Variants in HK1 observed in about 807,000 individuals in gnomAD.
HK1 encodes the protein hexokinase 1.
Under a neutral mutation model 91.6 loss-of-function variants are expected in HK1, and 28 were observed. The observed-to-expected ratio is 0.31, with a 90% CI of 0.23 to 0.42. The LOEUF (loss-of-function observed/expected upper bound fraction) is 0.42, where lower values mean the gene tolerates loss of function less well. Ranked by LOEUF, HK1 falls within the 10% of genes least tolerant of loss-of-function variation. The pLI, the probability that HK1 is intolerant of heterozygous loss-of-function variation, is 1.00. For missense variants in HK1, 770 were observed against 1,219.8 expected, an observed-to-expected ratio of 0.63 and a Z score of 5.49; for synonymous variants, 430 against 468.1, an observed-to-expected ratio of 0.92 and a Z score of 1.05.
chr10:69,363,824 TG>T (rs1299664249), intron 3 of HK1, among the ~76,000 whole-genome samples: 7 of 152,210 alleles, frequency 4.6e-5, no homozygotes, highest in African/African-American at 1.7e-4. Context: ...TCCTAAGATA[TG>T]TATGTACCTG....
At chr10:69,397,473 C>A (rs1840194918) in intron 16 of HK1, among the ~76,000 whole-genome samples, 1 of 152,022 alleles carries the variant, frequency 6.6e-6, no homozygotes, top group Non-Finnish European at 1.5e-5. Context: ...ACTTAAAAGG[C>A]AACGGTAAAC....
At chr10:69,311,636 ATTCT>A (rs1846383405), upstream of HK1, among the ~76,000 whole-genome samples, 1 of 151,888 alleles carries the variant, frequency 6.6e-6, no homozygotes, top group Admixed American at 6.6e-5. Context: ...CCAGGATACA[ATTCT>A]TTCTTTTTTT....
intron 12 of HK1, among the ~76,000 whole-genome samples, chr10:69,385,628 A>G (rs1839596481): frequency 6.6e-6 from 1 of 152,166 alleles, no homozygotes; most frequent in African/African-American, 2.4e-5. Flanking sequence ...ACCAGGCAGG[A>G]GTTCTGGAGG....
intron 1 of HK1, 30 bp downstream of exon 1, chr10:69,319,040 CT>C: frequency 6.3e-7 from 1 of 1,581,880 alleles, no homozygotes; most frequent in Non-Finnish European, 8.6e-7. Context: ...GCCGCTGGTC[CT>C]GGCCGCAGCC....
chr10:69,305,771 T>C (rs1351117993), intron 5 of HK1, among the ~76,000 whole-genome samples: 1 of 151,290 alleles, frequency 6.6e-6, no homozygotes, highest in Non-Finnish European at 1.5e-5. Flanking sequence ...GAGAATCGTT[T>C]GAACCCGGGA....
chr10:69,400,076 A>T (rs1021269621), intron 17 of HK1, among the ~76,000 whole-genome samples: 4 of 152,246 alleles, frequency 2.6e-5, no homozygotes, highest in Admixed American at 2.0e-4. Context: ...TGGCACCGTC[A>T]CTTAGAATCT....
At chr10:69,338,530 A>G (rs1471710134) in intron 1 of HK1, 4 of 1,289,634 alleles carry the variant, frequency 3.1e-6, no homozygotes, top group South Asian at 2.5e-5. Flanking sequence ...CAGTGGAAGC[A>G]GCTGGAAGTG....
At chr10:69,285,135 T>C (rs1479691638) in intron 2 of HK1, among the ~76,000 whole-genome samples, 1 of 148,772 alleles carries the variant, frequency 6.7e-6, no homozygotes, top group African/African-American at 2.5e-5. Context: ...TCCTATTCCT[T>C]AAAAAAACAA....
intron 16 of HK1, 114 bp downstream of exon 16, chr10:69,395,219 T>C (rs1840081234): frequency 2.1e-6 from 2 of 939,576 alleles, no homozygotes; most frequent in African/African-American, 1.6e-5. Context: ...TTTTGAGGAT[T>C]TTTTTTCCTC....
At chr10:69,379,119 G>T (rs1020144382) in intron 8 of HK1, among the ~76,000 whole-genome samples, 8 of 151,820 alleles carry the variant, frequency 5.3e-5, no homozygotes, top group Non-Finnish European at 1.2e-4. Context: ...TTTGTTTGGG[G>T]GTTATTTGGG....
At chr10:69,307,748 G>A (rs1300093945) in intron 5 of HK1, among the ~76,000 whole-genome samples, 1 of 152,174 alleles carries the variant, frequency 6.6e-6, no homozygotes, top group Non-Finnish European at 1.5e-5. Context: ...TGTATAGTAA[G>A]TTCTACCTAA....
At chr10:69,375,855 C>T (rs568462928) in intron 7 of HK1, among the ~76,000 whole-genome samples, 2 of 152,282 alleles carry the variant, frequency 1.3e-5, no homozygotes, top group Admixed American at 6.5e-5. Flanking sequence ...TTCAGCAATG[C>T]GTGTTGGCTT....
intron 3 of HK1, among the ~76,000 whole-genome samples, chr10:69,289,441 T>C (rs1477910672): frequency 6.6e-6 from 1 of 151,264 alleles, no homozygotes; most frequent in Non-Finnish European, 1.5e-5. Flanking sequence ...AAAATGGGCT[T>C]CTGCCCATTA....
In HK1 at chr10:69,369,961, C is replaced by T. The variant is rs1336209800; in HGVS notation, c.875+337C>T. Among the ~76,000 whole-genome samples, 2 of 152,160 alleles carry T rather than the reference C, an allele frequency of 1.3e-5. No individual in the cohort carries two copies. Among genetic ancestry groups the T allele is most frequent in the Non-Finnish European group, 2.9e-5 (2 of 68,028 alleles). On this transcript the variant is annotated intron_variant, in intron 7 of 17. Transcript: ENST00000359426. The surrounding 1 kb of genome is among the most constrained non-coding windows in gnomAD (Gnocchi z 4.4). Reference sequence around the variant, plus strand: ...CCATGTTGGCCAGGCTGGTCTCAAACTCCTGACTTCAAGCGATCTGCCTGC... The same window carrying T: ...CCATGTTGGCCAGGCTGGTCTCAAATTCCTGACTTCAAGCGATCTGCCTGC...
intron 4 of HK1, among the ~76,000 whole-genome samples, chr10:69,366,445 T>A (rs1849704727): frequency 6.6e-6 from 1 of 152,084 alleles, no homozygotes; most frequent in South Asian, 2.1e-4. Flanking sequence ...CTGTAAAATC[T>A]GTGGAATCAG....
intron 15 of HK1, 21 bp from the exon 16 acceptor site, chr10:69,394,929 A>G: frequency 6.2e-7 from 1 of 1,613,828 alleles, no homozygotes. Flanking sequence ...TAGACACCCC[A>G]GGCCCCTCCT....
At chr10:69,307,323 C>A (rs1846152697) in intron 5 of HK1, among the ~76,000 whole-genome samples, 1 of 152,110 alleles carries the variant, frequency 6.6e-6, no homozygotes, top group African/African-American at 2.4e-5. Context: ...CCACTTATAG[C>A]CCCTCTGGCC....
chr10:69,384,538 A>G, intron 11 of HK1, 57 bp downstream of exon 11: 1 of 1,609,810 alleles, frequency 6.2e-7, no homozygotes, highest in Admixed American at 1.7e-5. Flanking sequence ...TGGCACCGGC[A>G]GTCACGTGAT....
At chr10:69,340,354 A>G (rs776493473) in intron 1 of HK1, among the ~76,000 whole-genome samples, 3 of 152,138 alleles carry the variant, frequency 2.0e-5, no homozygotes, top group Non-Finnish European at 4.4e-5. Flanking sequence ...GGTTCACGCG[A>G]TTCTCATATC....
Sources: allele counts gnomAD v4.1 joint callset (sites outside exome capture counted in the v4.1 genomes callset), GRCh38; gene constraint gnomAD v4.1.1; non-coding constraint Gnocchi (gnomAD v3.1); transcripts MANE v1.5; gene names NCBI Gene and HGNC (gene_info 2026-07-23, HGNC 2026-07-21).